ADI1: variants seen among roughly 807,000 people sequenced by gnomAD.
ADI1 encodes acireductone dioxygenase.
ADI1 carries 21 observed loss-of-function variants against 18.7 expected under a neutral mutation model. The ratio of observed to expected loss-of-function variants is 1.13; its 90% CI spans 0.80 to 1.62. The LOEUF (loss-of-function observed/expected upper bound fraction) is 1.62, where lower values mean the gene tolerates loss of function less well. Among genes scored for constraint, ADI1 ranks in the 40% most tolerant of loss-of-function variants. The pLI, the probability that ADI1 is intolerant of heterozygous loss-of-function variation, is 0.00. For synonymous variants in ADI1, 90 were observed against 100.1 expected, an observed-to-expected ratio of 0.90 and a Z score of 0.60; for missense variants, 245 against 254.9, an observed-to-expected ratio of 0.96 and a Z score of 0.26.
At chr2:3,500,458 T>A in intron 3 of ADI1, 1 of 394,964 alleles carries the variant, frequency 2.5e-6, no homozygotes. Context: ...CGGGCTGGGG[T>A]GACAACCCTA....
intron 2 of ADI1, among the ~76,000 whole-genome samples, chr2:3,506,429 T>G (rs922322669): frequency 7.9e-5 from 12 of 152,176 alleles, no homozygotes; most frequent in African/African-American, 2.7e-4. Flanking sequence ...ATATTTGAAA[T>G]TCAAAACACA....
At chr2:3,508,098 G>A (rs749349811) in intron 2 of ADI1, among the ~76,000 whole-genome samples, 2 of 152,092 alleles carry the variant, frequency 1.3e-5, no homozygotes, top group African/African-American at 4.8e-5. Flanking sequence ...ACTTTGGGAG[G>A]CCGAGGAGGG....
chr2:3,514,124 T>TA, intron 1 of ADI1, 148 bp from the exon 2 acceptor site: 49 of 971,922 alleles, frequency 5.0e-5, no homozygotes, highest in Non-Finnish European at 6.6e-5. Context: ...TCATCTCCTC[T>TA]AGCCATTTAA....
At chr2:3,517,017 T>A in intron 1 of ADI1, 1 of 873,890 alleles carries the variant, frequency 1.1e-6, no homozygotes, top group Non-Finnish European at 1.4e-6. Context: ...CCACCATGCC[T>A]GGCCCAGGAG....
rs193187476 is a variant in ADI1 at position 3,505,445 on chromosome 2, C to A, written c.241-4452G>T. On this transcript the variant is annotated intron_variant, in intron 2 of 3. Coordinates refer to ENST00000327435, the MANE Select transcript of ADI1 (RefSeq NM_018269.4). ...AAACTCCAGACCCAGTCATCAGGGG[C>A]CTCACACTTTTGTAAATTTTACCTG... Among the ~76,000 whole-genome samples the A allele has an allele frequency of 2.6e-5, 4 of 152,300 alleles. No homozygotes were observed. In the East Asian group the frequency reaches 7.7e-4, roughly 29 times the overall value.
At chr2:3,515,021 T>C (rs374946458) in intron 1 of ADI1, 17 of 688,888 alleles carry the variant, frequency 2.5e-5, no homozygotes, top group East Asian at 1.6e-4. Flanking sequence ...ACTGTGATAA[T>C]TGTGTTAACT....
In ADI1 at chr2:3,497,755, G is replaced by GC. The variant is rs1291387661; in HGVS notation, c.*1207dup. 1 of 152,224 alleles carries GC rather than the reference G, an allele frequency of 6.6e-6. No homozygotes were observed. Among genetic ancestry groups the GC allele is most frequent in the Non-Finnish European group, 1.5e-5 (1 of 68,046 alleles). The allele number at this position is 152,224 out of a possible 1,614,324, so 9.4% of individuals were successfully genotyped here. Reference sequence around the variant, plus strand: ...CGAAACTAGAGTCCGCAGGAGGCCAGCCCCGCACGAGGAGTTTCAAACACT... The same window carrying GC: ...CGAAACTAGAGTCCGCAGGAGGCCAGCCCCCGCACGAGGAGTTTCAAACACT... On this transcript the variant is annotated 3_prime_UTR_variant, in exon 4 of 4. Coordinates refer to ENST00000327435, the MANE Select transcript of ADI1 (RefSeq NM_018269.4).
At chr2:3,508,100 C>T (rs867489564) in intron 2 of ADI1, among the ~76,000 whole-genome samples, 4 of 151,666 alleles carry the variant, frequency 2.6e-5, no homozygotes, top group African/African-American at 7.3e-5. Context: ...TTTGGGAGGC[C>T]GAGGAGGGTG....
intron 2 of ADI1, among the ~76,000 whole-genome samples, chr2:3,511,634 A>G (rs1667296278): frequency 6.6e-6 from 1 of 152,218 alleles, no homozygotes; most frequent in African/African-American, 2.4e-5. Flanking sequence ...AATGGTACCA[A>G]GGAGTGGGGC....
Position 3,519,356 on chromosome 2 carries a change from G to A in ADI1, c.120+12C>T. On this transcript the variant is annotated intron_variant, in intron 1 of 3. Transcript: ENST00000327435. Reference sequence around the variant, plus strand: ...GTCGCCCGCACGCTCTGCGAGGCTTGGGCTCGCGTACCTTCCAGTAGAGCA... The same window carrying A: ...GTCGCCCGCACGCTCTGCGAGGCTTAGGCTCGCGTACCTTCCAGTAGAGCA... The A allele has an allele frequency of 7.0e-7, 1 of 1,420,592 alleles. No individual in the cohort carries two copies. The highest frequency in any genetic ancestry group is 9.1e-7 in the Non-Finnish European group (1 of 1,093,106). 88.0% of individuals were successfully genotyped at this position (1,420,592 alleles called of 1,614,324 possible). A position where few individuals can be genotyped will look rare whatever the true frequency, so the allele number is the denominator to read the frequency against.
At chr2:3,516,450 G>A (rs1006497189) in intron 1 of ADI1, 1 of 146,566 alleles carries the variant, frequency 6.8e-6, no homozygotes, top group Non-Finnish European at 1.5e-5. Context: ...CTACCAGCCT[G>A]GGTGACAGAG....
intron 1 of ADI1, among the ~76,000 whole-genome samples, chr2:3,518,667 A>AC (rs940054294): frequency 6.9e-6 from 1 of 145,442 alleles, no homozygotes; most frequent in Non-Finnish European, 1.5e-5. Flanking sequence ...CCGCGGCAGG[A>AC]CCCCGCCTCG....
At chr2:3,513,433 G>C (rs1381438753) in intron 2 of ADI1, among the ~76,000 whole-genome samples, 2 of 152,182 alleles carry the variant, frequency 1.3e-5, no homozygotes, top group Non-Finnish European at 2.9e-5. Context: ...GGAGGTGACT[G>C]GATCATGAGG....
In ADI1 at chr2:3,513,956, C is replaced by T; in HGVS notation, c.141G>A (p.Glu47=). ...GGATCTTTTCTAATTCTGGATCATT[C>T]TCATATTTGTCAGCATCCAGCTAAA... The part of the protein sequence containing the change: ...LYWKLDADKY[E]NDPELEKIRR... Residue 47 remains glutamate (E), a synonymous_variant, in exon 2 of 4, where the codon GAG becomes GAA. Coordinates refer to ENST00000327435, the MANE Select transcript of ADI1 (RefSeq NM_018269.4). 10 of 1,609,498 alleles carry T rather than the reference C, an allele frequency of 6.2e-6. No homozygotes were observed. The highest frequency in any genetic ancestry group is 1.7e-4 in the Middle Eastern group (1 of 6,034).
chr2:3,515,583 GC>G (rs1273355767), intron 1 of ADI1: 7 of 151,946 alleles, frequency 4.6e-5, no homozygotes, highest in Non-Finnish European at 1.5e-5. Flanking sequence ...TTCTGCTTTT[GC>G]CCTTTGTCCT....
intron 1 of ADI1, among the ~76,000 whole-genome samples, chr2:3,518,547 C>G (rs534870529): frequency 3.1e-4 from 47 of 152,358 alleles, no homozygotes; most frequent in African/African-American, 1.1e-3. Context: ...GCTAGCGTTA[C>G]AGAGGCAGGG....
At position 3,519,528 on chromosome 2, in the gene ADI1, G is replaced by A. The variant is rs569371153; in HGVS notation, c.-41C>T. The A allele has an allele frequency of 5.3e-5, 66 of 1,254,826 alleles. No individual in the cohort carries two copies. The African/African-American group carries it at 8.6e-4, about 16-fold the overall frequency. 77.7% of individuals were successfully genotyped at this position (1,254,826 alleles called of 1,614,324 possible). The stretch of plus-strand genomic sequence containing the variant: ...TGCCGTGTTCGAACCCAGGGGCCGC[G>A]CTCGGAGCCCGTCGGCCGCGCTTTA... On this transcript the variant is annotated 5_prime_UTR_variant, in exon 1 of 4. Transcript: ENST00000327435.
In ADI1 at chr2:3,499,022, G is replaced by C. The variant is rs140822493; in HGVS notation, c.481C>G (p.Pro161Ala). The C allele has an allele frequency of 9.9e-6, 16 of 1,614,104 alleles. No individual in the cohort carries two copies. The highest frequency in any genetic ancestry group is 1.4e-5 in the Non-Finnish European group (16 of 1,179,932). Residue 161 changes from proline to alanine, a missense_variant, in exon 4 of 4, where the codon CCC becomes GCC. Pro to Ala is a conservative substitution (Grantham distance 27). Transcript: ENST00000327435. ...GEPVWTAYNR[P>A]ADHFEARGQY... ...CCGCGGGCTTCAAAATGGTCAGCGG[G>C]CCGGTTGTACGCTGTCCACACCGGT...
intron 2 of ADI1, among the ~76,000 whole-genome samples, chr2:3,511,536 T>C (rs1278483399): frequency 1.3e-5 from 2 of 152,224 alleles, no homozygotes; most frequent in Non-Finnish European, 2.9e-5. Flanking sequence ...ATGCTTCCTG[T>C]AGAGCCTGCA....
Sources: allele counts gnomAD v4.1 joint callset (sites outside exome capture counted in the v4.1 genomes callset), GRCh38; gene constraint gnomAD v4.1.1; transcripts MANE v1.5; gene names NCBI Gene and HGNC (gene_info 2026-07-23, HGNC 2026-07-21).